Variants in PDE1C observed in about 807,000 individuals in gnomAD.
The protein encoded by PDE1C is phosphodiesterase 1C.
PDE1C carries 62 observed loss-of-function variants against 93.1 expected under a neutral mutation model. The ratio of observed to expected loss-of-function variants is 0.67; its 90% CI spans 0.54 to 0.82. The LOEUF (loss-of-function observed/expected upper bound fraction) is 0.82, where lower values mean the gene tolerates loss of function less well. Among genes scored for constraint, PDE1C ranks in the 40% least tolerant of loss-of-function variants. The pLI, the probability that PDE1C is intolerant of heterozygous loss-of-function variation, is 0.00. For missense variants in PDE1C, 742 were observed against 884.6 expected, an observed-to-expected ratio of 0.84 and a Z score of 2.04; for synonymous variants, 325 against 310.1, an observed-to-expected ratio of 1.05 and a Z score of -0.50.
intron 2 of PDE1C, among the ~76,000 whole-genome samples, chr7:31,982,017 C>T (rs1436300084): frequency 6.6e-6 from 1 of 152,172 alleles, no homozygotes; most frequent in African/African-American, 2.4e-5. Flanking sequence ...CCTTAGATAA[C>T]CCCCCTTCTA....
the PDE1C span, chr7:31,658,122 G>A: frequency 2.0e-6 from 1 of 496,254 alleles, no homozygotes; most frequent in South Asian, 6.6e-5. Flanking sequence ...GAGACACAAA[G>A]ATGAAACCTT....
At chr7:31,904,525 G>A (rs1017147115) in intron 2 of PDE1C, among the ~76,000 whole-genome samples, 9 of 151,566 alleles carry the variant, frequency 5.9e-5, no homozygotes, top group South Asian at 4.2e-4. Flanking sequence ...TTTAAATATG[G>A]AGCAAGTTTT....
the PDE1C span, among the ~76,000 whole-genome samples, chr7:31,734,286 A>C: frequency 6.6e-6 from 1 of 152,148 alleles, no homozygotes; most frequent in Non-Finnish European, 1.5e-5. Context: ...CGTAAAGGTT[A>C]AAGCGGCTCT....
intron 2 of PDE1C, among the ~76,000 whole-genome samples, chr7:31,887,022 A>C (rs1007374912): frequency 6.6e-6 from 1 of 152,128 alleles, no homozygotes; most frequent in Non-Finnish European, 1.5e-5. Flanking sequence ...CAGAATGATG[A>C]GATTGGCATT....
chr7:31,939,266 G>C (rs184053052), intron 2 of PDE1C, among the ~76,000 whole-genome samples: 1 of 152,158 alleles, frequency 6.6e-6, no homozygotes, highest in African/African-American at 2.4e-5. Context: ...GAAAGAGGAG[G>C]AGCAGCAAAA....
chr7:32,409,666 C>T (rs1383703344), intron 1 of PDE1C, among the ~76,000 whole-genome samples: 1 of 151,932 alleles, frequency 6.6e-6, no homozygotes, highest in Non-Finnish European at 1.5e-5. Context: ...CATACTGATT[C>T]CTGAGAGACT....
intron 2 of PDE1C, among the ~76,000 whole-genome samples, chr7:31,924,163 A>G (rs550681095): frequency 6.6e-6 from 1 of 152,322 alleles, no homozygotes; most frequent in Admixed American, 6.5e-5. Flanking sequence ...TCTTTTTTTA[A>G]GAGTTTTTCC....
rs559732091 is a variant in PDE1C at position 31,992,953 on chromosome 7, T to C, written c.128+58601A>G. Among the ~76,000 whole-genome samples the C allele has an allele frequency of 2.6e-5, 4 of 152,330 alleles. No homozygotes were observed. In the East Asian group the frequency reaches 7.7e-4, roughly 29 times the overall value. ...TATATGGAACATAATGAAGTTTTTA[T>C]CTCTAATCCTCATATCAAACGATCG... On this transcript the variant is annotated intron_variant, in intron 2 of 17. Transcript: ENST00000396191.
intron 9 of PDE1C, among the ~76,000 whole-genome samples, chr7:31,838,335 C>T (rs368935159): frequency 4.6e-5 from 7 of 152,284 alleles, no homozygotes; most frequent in Middle Eastern, 3.4e-3. Flanking sequence ...CCGTATTTCA[C>T]ATTGGATACA....
intron 3 of PDE1C, among the ~76,000 whole-genome samples, chr7:32,095,571 C>T (rs1255450897): frequency 6.6e-6 from 1 of 152,242 alleles, no homozygotes; most frequent in Non-Finnish European, 1.5e-5. Context: ...CCAAGAGGGA[C>T]ACACGGTTCT....
the PDE1C span, among the ~76,000 whole-genome samples, chr7:31,712,843 C>A: frequency 1.3e-5 from 2 of 152,116 alleles, no homozygotes; most frequent in African/African-American, 4.8e-5. Flanking sequence ...TTTTTAAAAC[C>A]ATCAGATCTC....
intron 2 of PDE1C, among the ~76,000 whole-genome samples, chr7:31,928,126 G>A (rs930622415): frequency 2.6e-5 from 4 of 151,944 alleles, no homozygotes; most frequent in African/African-American, 7.2e-5. Flanking sequence ...AACACAGCAC[G>A]AGAACTTCAT....
At chr7:32,072,201 C>T (rs1796103466), upstream of PDE1C, among the ~76,000 whole-genome samples, 1 of 152,130 alleles carries the variant, frequency 6.6e-6, no homozygotes, top group Non-Finnish European at 1.5e-5. Flanking sequence ...GCTTGGCTGG[C>T]CCCATGCATT....
intron 7 of PDE1C, among the ~76,000 whole-genome samples, chr7:31,852,428 T>C (rs554957872): frequency 2.0e-5 from 3 of 151,150 alleles, no homozygotes; most frequent in East Asian, 3.9e-4. Context: ...GAAAAAAAGA[T>C]GGGCAAGATA....
At chr7:32,424,776 C>G (rs553660661) in intron 1 of PDE1C, among the ~76,000 whole-genome samples, 1 of 152,008 alleles carries the variant, frequency 6.6e-6, no homozygotes, top group Admixed American at 6.6e-5. Flanking sequence ...TGCAGTGAGC[C>G]GAGGTGGTCC....
intron 2 of PDE1C, among the ~76,000 whole-genome samples, chr7:31,917,109 A>C (rs981264537): frequency 6.6e-6 from 1 of 152,094 alleles, no homozygotes; most frequent in Admixed American, 6.6e-5. Flanking sequence ...TATACCTCCT[A>C]TCCAGCCACA....
At chr7:31,686,104 G>GA in the PDE1C span, among the ~76,000 whole-genome samples, 1 of 152,186 alleles carries the variant, frequency 6.6e-6, no homozygotes, top group East Asian at 1.9e-4. Context: ...GGTAAGACTG[G>GA]AAAAAATATG....
At chr7:31,998,796 C>T (rs1281609050) in intron 2 of PDE1C, among the ~76,000 whole-genome samples, 1 of 152,164 alleles carries the variant, frequency 6.6e-6, no homozygotes, top group African/African-American at 2.4e-5. Flanking sequence ...CAGCCCCTGG[C>T]AAGTTTTATA....
chr7:32,153,279 G>A lies in PDE1C; in HGVS notation c.308+16506C>T, dbSNP rs78941744. 4.1e-3 allele frequency among the ~76,000 whole-genome samples: 622 copies of A among 152,254 alleles called. 5 individuals carry two copies. Among genetic ancestry groups the A allele is most frequent in the African/African-American group, 0.015 (605 of 41,544 alleles). On this transcript the variant is annotated intron_variant, in intron 3 of 18. Coordinates refer to the PDE1C transcript ENST00000396193. ...TGGCATGGACATATGGCATCTCGTG[G>A]GGTGGGAAAGCTCATTCTGTGATCA...
Sources: allele counts gnomAD v4.1 joint callset (sites outside exome capture counted in the v4.1 genomes callset), GRCh38; gene constraint gnomAD v4.1.1; transcripts MANE v1.5; gene names NCBI Gene and HGNC (gene_info 2026-07-23, HGNC 2026-07-21).